The following NDRG1 variants were observed in gnomAD, a reference collection of about 807,000 sequenced individuals.
NDRG1 encodes protein NDRG1.
A neutral mutation model predicts 56.9 loss-of-function variants in NDRG1; 32 were observed. The observed-to-expected ratio is 0.56, with a 90% CI of 0.42 to 0.76. NDRG1 has a LOEUF of 0.76. Ranked by LOEUF, NDRG1 falls within the 30% of genes least tolerant of loss-of-function variation. The probability of loss-of-function intolerance (pLI) is 0.00; values close to 1 mark genes in which losing one functional copy is unlikely to be tolerated. For synonymous variants in NDRG1, 211 were observed against 204.1 expected (o/e 1.03, Z -0.29); for missense variants, 507 against 545.7 (o/e 0.93, Z 0.71).
chr8:133,276,940 A>T (rs1857485636), intron 3 of NDRG1, among the ~76,000 whole-genome samples: 1 of 152,238 alleles, frequency 6.6e-6, no homozygotes, highest in South Asian at 2.1e-4. Context: ...AGTGTCCACC[A>T]ACGGACAAAT....
At chr8:133,267,581 G>A (rs1856985146) in intron 3 of NDRG1, among the ~76,000 whole-genome samples, 1 of 152,160 alleles carries the variant, frequency 6.6e-6, no homozygotes, top group Admixed American at 6.5e-5. Context: ...CAGGGGGCCG[G>A]AGATCATCTG....
chr8:133,279,046 T>G (rs995533569), intron 3 of NDRG1, among the ~76,000 whole-genome samples: 3 of 152,150 alleles, frequency 2.0e-5, no homozygotes, highest in African/African-American at 7.2e-5. Flanking sequence ...CTTACCACCA[T>G]GCCTGGCTAA....
intron 1 of NDRG1, among the ~76,000 whole-genome samples, chr8:133,289,311 T>C (rs1479513040): frequency 6.6e-6 from 1 of 152,172 alleles, no homozygotes; most frequent in Non-Finnish European, 1.5e-5. Context: ...AAGAATGGCA[T>C]GGAGAATTAA....
Position 133,237,582 on chromosome 8 carries a change from G to A in NDRG1, c.*1296C>T, listed in dbSNP as rs886062711. 8.6e-6 allele frequency: 2 copies of A among 233,218 alleles called. No individual in the cohort carries two copies. Among genetic ancestry groups the A allele is most frequent in the Non-Finnish European group, 1.7e-5 (2 of 118,008 alleles). The allele number at this position is 233,218 out of a possible 1,614,324, so 14.4% of individuals were successfully genotyped here. A position where few individuals can be genotyped will look rare whatever the true frequency, so the allele number is the denominator to read the frequency against. On this transcript the variant is annotated 3_prime_UTR_variant, in exon 16 of 16. Transcript: ENST00000323851. ...CGTCAGTGGTGCTGCCCCATTCGGC[G>A]AAAGGTTAGGGAGCAGGAAAAGAGG...
At chr8:133,260,688 G>T (rs1389691607) in intron 5 of NDRG1, among the ~76,000 whole-genome samples, 2 of 152,050 alleles carry the variant, frequency 1.3e-5, no homozygotes, top group Non-Finnish European at 2.9e-5. Flanking sequence ...TTTAATTTTT[G>T]GTCCTGGCCC....
At chr8:133,248,647 G>T in intron 11 of NDRG1, 68 bp downstream of exon 11, 2 of 1,576,436 alleles carry the variant, frequency 1.3e-6, no homozygotes, top group South Asian at 1.1e-5. Context: ...AGAAGGCCCT[G>T]CCAGCAAGGC....
chr8:133,244,911 C>A (rs576523067), intron 13 of NDRG1, among the ~76,000 whole-genome samples: 24 of 152,186 alleles, frequency 1.6e-4, no homozygotes, highest in Admixed American at 6.5e-4. Flanking sequence ...ATCACCGAAC[C>A]GCAAGAGGCC....
At chr8:133,247,844 A>C in intron 12 of NDRG1, 31 bp downstream of exon 12, 1 of 1,613,116 alleles carries the variant, frequency 6.2e-7, no homozygotes, top group Non-Finnish European at 8.5e-7. Context: ...TGTTGAATTA[A>C]ACACAGAAAT....
At chr8:133,249,213 G>A in intron 10 of NDRG1, 1 of 266,160 alleles carries the variant, frequency 3.8e-6, no homozygotes, top group Non-Finnish European at 7.4e-6. Context: ...TAAAACTCAG[G>A]CCTCATCTTT....
At chr8:133,256,961 A>C in intron 7 of NDRG1, 98 bp from the exon 8 acceptor site, 1 of 1,184,338 alleles carries the variant, frequency 8.4e-7, no homozygotes, top group Non-Finnish European at 1.2e-6. Context: ...TACCCAGAAA[A>C]AGGCAGTGTG....
At chr8:133,247,959 A>G in intron 11 of NDRG1, 33 bp from the exon 12 acceptor site, 1 of 1,610,716 alleles carries the variant, frequency 6.2e-7, no homozygotes, top group African/African-American at 1.3e-5. Context: ...GAATTAGCAC[A>G]AGGTTCCTTT....
Position 133,284,401 on chromosome 8 carries a change from C to T in NDRG1, c.-18-72G>A, listed in dbSNP as rs1857986368. 4.9e-6 allele frequency: 7 copies of T among 1,433,190 alleles called. No individual in the cohort carries two copies. In the East Asian group the frequency reaches 1.6e-4, roughly 33 times the overall value. 88.8% of individuals were successfully genotyped at this position (1,433,190 alleles called of 1,614,324 possible). On this transcript the variant is annotated intron_variant, in intron 1 of 15. Transcript: ENST00000323851. ...TTTCCTAAAGGAAGCAAATCCAAGA[C>T]CAATGGCAAGAAGGCCAGGCCTGCG...
chr8:133,244,949 GC>G (rs1303417807), intron 13 of NDRG1, among the ~76,000 whole-genome samples: 1 of 152,200 alleles, frequency 6.6e-6, no homozygotes, highest in Non-Finnish European at 1.5e-5. Flanking sequence ...TGTGCAGCCA[GC>G]CTGGAAATGG....
Position 133,282,787 on chromosome 8 carries a change from A to C in NDRG1, c.63+1462T>G, listed in dbSNP as rs1229683448. On this transcript the variant is annotated intron_variant, in intron 2 of 15. Transcript: ENST00000323851. ...TTGCAACAGAGGTCATGTGGCCTTC[A>C]ATGCCTAAGATATTTACTATTTGAC... 2.0e-5 allele frequency among the ~76,000 whole-genome samples: 3 copies of C among 152,204 alleles called. No homozygotes were observed. In the East Asian group the frequency reaches 5.8e-4, roughly 29 times the overall value.
rs1045652558 is a variant in NDRG1, at chr8:133,239,601, G to A, written c.944-482C>T. 1.5e-5 allele frequency: 3 copies of A among 193,952 alleles called. No individual in the cohort carries two copies. The East Asian group carries it at 3.7e-4, about 24-fold the overall frequency. The allele number at this position is 193,952 out of a possible 1,614,324, so 12.0% of individuals were successfully genotyped here. On this transcript the variant is annotated intron_variant, in intron 15 of 15. Transcript: ENST00000323851. Reference sequence around the variant, plus strand: ...AGAGGGGCCACACGGCAAGTTCCCGGCATGGCTATTCGTTGTCATCTCTCC... The same window carrying A: ...AGAGGGGCCACACGGCAAGTTCCCGACATGGCTATTCGTTGTCATCTCTCC...
At chr8:133,239,288 G>T in intron 15 of NDRG1, 169 bp from the exon 16 acceptor site, 2 of 1,097,808 alleles carry the variant, frequency 1.8e-6, no homozygotes, top group Non-Finnish European at 1.3e-6. Context: ...CACTCGGAGA[G>T]AGAGATGGCA....
At chr8:133,290,870 G>C (rs1454543631) in intron 1 of NDRG1, among the ~76,000 whole-genome samples, 1 of 152,204 alleles carries the variant, frequency 6.6e-6, no homozygotes, top group African/African-American at 2.4e-5. Context: ...TGTTTCACTT[G>C]CTCCTCAAGG....
chr8:133,239,148 G>T, intron 15 of NDRG1, 29 bp from the exon 16 acceptor site: 1 of 1,550,566 alleles, frequency 6.4e-7, no homozygotes, highest in Non-Finnish European at 8.7e-7. Flanking sequence ...GCCGGTTAGA[G>T]GGCAGGAGAC....
At position 133,238,470 on chromosome 8, in the gene NDRG1, G is replaced by A; in HGVS notation, c.*408C>T. 2 of 276,274 alleles carry A rather than the reference G, an allele frequency of 7.2e-6. No individual in the cohort carries two copies. The highest frequency in any genetic ancestry group is 6.9e-6 in the Non-Finnish European group (1 of 145,918). The allele number at this position is 276,274 out of a possible 1,614,324, so 17.1% of individuals were successfully genotyped here. On this transcript the variant is annotated 3_prime_UTR_variant, in exon 16 of 16. Transcript: ENST00000323851. The stretch of plus-strand genomic sequence containing the variant: ...GGATCAGCTTCTCCTCAGTTAAAGA[G>A]GAAACGGGAAGTGGGCGGCTGGCCT...
Sources: allele counts gnomAD v4.1 joint callset (sites outside exome capture counted in the v4.1 genomes callset), GRCh38; gene constraint gnomAD v4.1.1; transcripts MANE v1.5; gene names NCBI Gene and HGNC (gene_info 2026-07-23, HGNC 2026-07-21).